The following GPRASP3 variants were observed in gnomAD, a reference collection of about 807,000 sequenced individuals.
GPRASP3 encodes G protein-coupled receptor associated sorting protein family member 3, also known as G protein-coupled receptor associated sorting protein 3.
the GPRASP3 span, chrX:102,752,761 A>G: frequency 8.2e-6 from 1 of 122,010 alleles, no homozygotes; most frequent in Non-Finnish European, 1.9e-5. Context: ...AAATACATTC[A>G]TCACCCACCA....
the GPRASP3 span, among the ~76,000 whole-genome samples, chrX:102,746,992 T>G: frequency 6.2e-5 from 7 of 112,001 alleles, no homozygotes; most frequent in Non-Finnish European, 1.1e-4. Context: ...TAATGATGTG[T>G]GAGAATGTGG....
the GPRASP3 span, among the ~76,000 whole-genome samples, chrX:102,746,754 G>A: frequency 8.9e-6 from 1 of 112,725 alleles, no homozygotes; most frequent in Admixed American, 9.3e-5. Flanking sequence ...ACTTTGAGTG[G>A]GTGAATTATG....
the GPRASP3 span, among the ~76,000 whole-genome samples, chrX:102,745,422 A>G: frequency 5.3e-4 from 59 of 111,508 alleles, no homozygotes; most frequent in Non-Finnish European, 9.6e-4. Flanking sequence ...CCCCTGCCCC[A>G]GAATTCACTT....
the GPRASP3 span, among the ~76,000 whole-genome samples, chrX:102,721,266 G>A: frequency 9.0e-6 from 1 of 111,377 alleles, no homozygotes; most frequent in African/African-American, 3.3e-5. Context: ...GACAATTCGT[G>A]AACACCTGTG....
chrX:102,749,332 G>A, the GPRASP3 span: 2 of 1,211,972 alleles, frequency 1.7e-6, no homozygotes, highest in East Asian at 5.9e-5. Flanking sequence ...CTGGTTCTGG[G>A]CTGGGGAAGA....
the GPRASP3 span, among the ~76,000 whole-genome samples, chrX:102,745,039 AG>A: frequency 3.1e-3 from 347 of 111,602 alleles, no homozygotes; most frequent in Non-Finnish European, 5.5e-3. Context: ...TGCATTAGGC[AG>A]GGTGCAAGGC....
chrX:102,748,148 G>A, the GPRASP3 span, among the ~76,000 whole-genome samples: 1 of 111,960 alleles, frequency 8.9e-6, no homozygotes, highest in African/African-American at 3.3e-5. Context: ...GAGGCCAGAA[G>A]TGTTATATAA....
At chrX:102,738,286 A>G in the GPRASP3 span, among the ~76,000 whole-genome samples, 1 of 112,039 alleles carries the variant, frequency 8.9e-6, no homozygotes, top group African/African-American at 3.2e-5. Flanking sequence ...CTTTCTTCCT[A>G]TTATCCCAAA....
At chrX:102,749,470 T>G in the GPRASP3 span, 1 of 1,211,862 alleles carries the variant, frequency 8.3e-7, no homozygotes, top group Non-Finnish European at 1.1e-6. Context: ...TGGGGCCGAT[T>G]GCAAACCTAG....
the GPRASP3 span, among the ~76,000 whole-genome samples, chrX:102,732,311 A>G: frequency 9.0e-6 from 1 of 111,697 alleles, no homozygotes; most frequent in Non-Finnish European, 1.9e-5. Context: ...GGATTGGTGA[A>G]AGCAGTATCT....
the GPRASP3 span, among the ~76,000 whole-genome samples, chrX:102,725,935 A>G: frequency 8.9e-6 from 1 of 112,068 alleles, no homozygotes; most frequent in Non-Finnish European, 1.9e-5. Flanking sequence ...GTTGAGGGAC[A>G]GGAAGCATAG....
At chrX:102,727,321 G>A in the GPRASP3 span, among the ~76,000 whole-genome samples, 4 of 111,970 alleles carry the variant, frequency 3.6e-5, no homozygotes, top group African/African-American at 1.3e-4. Flanking sequence ...ACTTCCTGAG[G>A]AAGAAGAAAA....
chrX:102,725,875 G>A, the GPRASP3 span, among the ~76,000 whole-genome samples: 23 of 110,917 alleles, frequency 2.1e-4, no homozygotes, highest in African/African-American at 7.4e-4. Context: ...ATGCATCAGA[G>A]TCTTTTTATT....
the GPRASP3 span, among the ~76,000 whole-genome samples, chrX:102,741,807 A>G: frequency 1.2e-3 from 134 of 112,370 alleles, no homozygotes; most frequent in African/African-American, 3.9e-3. Flanking sequence ...GATAAGAATT[A>G]CAGTGCAGAA....
the GPRASP3 span, among the ~76,000 whole-genome samples, chrX:102,727,475 C>T: frequency 8.9e-6 from 1 of 112,097 alleles, no homozygotes; most frequent in East Asian, 2.8e-4. Flanking sequence ...ATAGATTATC[C>T]GTAGACCAAA....
chrX:102,726,063 T>C, the GPRASP3 span, among the ~76,000 whole-genome samples: 15 of 111,845 alleles, frequency 1.3e-4, no homozygotes, highest in African/African-American at 4.9e-4. Context: ...ATTGGATTTA[T>C]TGGGTGATTT....
chrX:102,737,954 C>G, the GPRASP3 span, among the ~76,000 whole-genome samples: 1 of 110,849 alleles, frequency 9.0e-6, no homozygotes, highest in South Asian at 3.9e-4. Flanking sequence ...GGGTGTGAAT[C>G]TTTTGTTTTG....
the GPRASP3 span, among the ~76,000 whole-genome samples, chrX:102,725,329 C>T: frequency 9.0e-6 from 1 of 111,642 alleles, no homozygotes; most frequent in African/African-American, 3.3e-5. Context: ...TATGCCTTTC[C>T]CACATGCTGT....
At chrX:102,738,601 T>C in the GPRASP3 span, among the ~76,000 whole-genome samples, 1 of 110,498 alleles carries the variant, frequency 9.0e-6, no homozygotes, top group Non-Finnish European at 1.9e-5. Flanking sequence ...CACTGGAGAA[T>C]AGAGGAGATA....
Sources: allele counts gnomAD v4.1 joint callset (sites outside exome capture counted in the v4.1 genomes callset), GRCh38; gene constraint gnomAD v4.1.1; transcripts MANE v1.5; gene names NCBI Gene and HGNC (gene_info 2026-07-23, HGNC 2026-07-21).